RIMS1: variants seen among roughly 807,000 people sequenced by gnomAD.
RIMS1 encodes regulating synaptic membrane exocytosis 1, also known as regulating synaptic membrane exocytosis protein 1.
Under a neutral mutation model 214.1 loss-of-function variants are expected in RIMS1, and 83 were observed. The observed-to-expected ratio is 0.39, with a 90% CI of 0.32 to 0.47. The LOEUF is 0.47. Among genes scored for constraint, RIMS1 ranks in the 20% least tolerant of loss-of-function variants. The pLI is 0.99. For missense variants in RIMS1, 2,050 were observed against 2,161.8 expected (o/e 0.95, Z 1.03); for synonymous variants, 793 against 786.8 (o/e 1.01, Z -0.13).
At chr6:71,922,272 G>C (rs968568866) in intron 1 of RIMS1, among the ~76,000 whole-genome samples, 1 of 151,966 alleles carries the variant, frequency 6.6e-6, no homozygotes, top group Admixed American at 6.6e-5. Context: ...ACTATATCTT[G>C]GTCCTCAAGA....
chr6:72,036,845 A>G (rs1236365408), intron 2 of RIMS1, among the ~76,000 whole-genome samples: 1 of 152,196 alleles, frequency 6.6e-6, no homozygotes, highest in Non-Finnish European at 1.5e-5. Context: ...CTCAAGCTAG[A>G]AATGAAAGGG....
At chr6:72,136,664 A>G (rs1411714715) in intron 4 of RIMS1, among the ~76,000 whole-genome samples, 2 of 152,146 alleles carry the variant, frequency 1.3e-5, no homozygotes, top group Non-Finnish European at 2.9e-5. Flanking sequence ...TTTAGTGCAA[A>G]AAATGATCAA....
chr6:71,966,938 T>C (rs764401673), intron 1 of RIMS1, among the ~76,000 whole-genome samples: 5 of 152,232 alleles, frequency 3.3e-5, no homozygotes, highest in Non-Finnish European at 5.9e-5. Flanking sequence ...TAAAAACTCT[T>C]AAGTAGTAGA....
chr6:72,325,976 A>G (rs1017114816), intron 28 of RIMS1, among the ~76,000 whole-genome samples: 1 of 151,840 alleles, frequency 6.6e-6, no homozygotes, highest in Non-Finnish European at 1.5e-5. Flanking sequence ...AATATTGATC[A>G]ACAATATTGA....
chr6:71,923,309 T>C (rs1328851267), intron 1 of RIMS1, among the ~76,000 whole-genome samples: 7 of 152,234 alleles, frequency 4.6e-5, no homozygotes, highest in Admixed American at 1.3e-4. Flanking sequence ...GCAGTGCTCT[T>C]TGTTTGATTG....
At chr6:72,141,359 A>G (rs75961561) in intron 4 of RIMS1, among the ~76,000 whole-genome samples, 1 of 152,124 alleles carries the variant, frequency 6.6e-6, no homozygotes, top group Admixed American at 6.5e-5. Flanking sequence ...TTAAATTTCC[A>G]AATTCCCTCC....
At position 72,249,293 on chromosome 6, in the gene RIMS1, G is replaced by A. The variant is rs572807610; in HGVS notation, c.2242-1037G>A. On this transcript the variant is annotated intron_variant, in intron 12 of 33. Transcript: ENST00000521978. The stretch of plus-strand genomic sequence containing the variant: ...CTGCCAGGGCAGATACTGTAATAAT[G>A]ACTGATAAAATTCCAATTCTTGTGA... Among the ~76,000 whole-genome samples the A allele has an allele frequency of 5.0e-4, 76 of 152,244 alleles. 1 individual carries two copies. The highest frequency in any genetic ancestry group is 3.4e-3 in the Middle Eastern group (1 of 292).
At chr6:72,164,368 G>C (rs1345411525) in intron 4 of RIMS1, among the ~76,000 whole-genome samples, 2 of 151,974 alleles carry the variant, frequency 1.3e-5, no homozygotes, top group Non-Finnish European at 2.9e-5. Flanking sequence ...CCCTGATTTG[G>C]CTCACACTCG....
chr6:72,322,426 A>G (rs568538780), intron 28 of RIMS1, among the ~76,000 whole-genome samples: 4 of 152,244 alleles, frequency 2.6e-5, no homozygotes, highest in East Asian at 1.9e-4. Context: ...ATGAAATCCT[A>G]TGAACATTTT....
intron 23 of RIMS1, among the ~76,000 whole-genome samples, chr6:72,283,683 A>G (rs1261021786): frequency 6.6e-6 from 1 of 152,142 alleles, no homozygotes; most frequent in African/African-American, 2.4e-5. Flanking sequence ...AACTATTACC[A>G]TCATCACATT....
chr6:71,922,347 A>G (rs1780253492), intron 1 of RIMS1, among the ~76,000 whole-genome samples: 1 of 152,082 alleles, frequency 6.6e-6, no homozygotes, highest in South Asian at 2.1e-4. Flanking sequence ...TGGTAACTCT[A>G]TTATACTTTC....
chr6:72,089,809 C>T (rs1835686852), intron 2 of RIMS1, among the ~76,000 whole-genome samples: 1 of 143,996 alleles, frequency 6.9e-6, no homozygotes, highest in Non-Finnish European at 1.5e-5. Context: ...GAAAATGTGG[C>T]ACATATACAC....
At chr6:72,046,611 T>C (rs1823135576) in intron 2 of RIMS1, among the ~76,000 whole-genome samples, 1 of 152,016 alleles carries the variant, frequency 6.6e-6, no homozygotes, top group Admixed American at 6.6e-5. Context: ...CAGGGCAAGG[T>C]TGTTTGCTAT....
intron 28 of RIMS1, among the ~76,000 whole-genome samples, chr6:72,318,095 A>G (rs1198401203): frequency 6.6e-6 from 1 of 152,128 alleles, no homozygotes; most frequent in African/African-American, 2.4e-5. Flanking sequence ...TTTTGTGTCA[A>G]CTTTTCTATG....
intron 29 of RIMS1, among the ~76,000 whole-genome samples, chr6:72,347,606 A>G (rs922260828): frequency 6.6e-6 from 1 of 151,854 alleles, no homozygotes; most frequent in Non-Finnish European, 1.5e-5. Context: ...GACATGAGCA[A>G]ATGATTCTTA....
chr6:72,308,368 A>G lies in RIMS1; in HGVS notation c.3963+998A>G, dbSNP rs114176429. 5.1e-3 allele frequency among the ~76,000 whole-genome samples: 782 copies of G among 152,236 alleles called. 5 individuals carry two copies. The highest frequency in any genetic ancestry group is 0.017 in the African/African-American group (718 of 41,554). On this transcript the variant is annotated intron_variant, in intron 27 of 33. Coordinates refer to ENST00000521978, the MANE Select transcript of RIMS1 (RefSeq NM_014989.7). ...AAGCTTTTTTTCTTTATAGAATACTACAAAAGTAGCAGCAGCCATTATAGG... is the reference window on the plus strand; with the variant it reads ...AAGCTTTTTTTCTTTATAGAATACTGCAAAAGTAGCAGCAGCCATTATAGG...
chr6:72,143,173 T>G lies in RIMS1; in HGVS notation c.472-36402T>G, dbSNP rs908161577. On this transcript the variant is annotated intron_variant, in intron 4 of 33. Transcript: ENST00000521978. ...AACATATAGGCTAGTGATAAAATTCTCTTAAATGTGATATTTATCTCAAGA... is the reference window on the plus strand; with the variant it reads ...AACATATAGGCTAGTGATAAAATTCGCTTAAATGTGATATTTATCTCAAGA... 4.6e-5 allele frequency among the ~76,000 whole-genome samples: 7 copies of G among 152,352 alleles called. 1 individual carries two copies. The South Asian group carries it at 1.0e-3, about 23-fold the overall frequency.
intron 29 of RIMS1, among the ~76,000 whole-genome samples, chr6:72,335,852 G>C (rs184549444): frequency 2.6e-5 from 4 of 151,692 alleles, no homozygotes; most frequent in Non-Finnish European, 5.9e-5. Flanking sequence ...TCATACGTTT[G>C]TTGGCCACAT....
At chr6:72,097,746 A>G (rs1323758801) in intron 3 of RIMS1, among the ~76,000 whole-genome samples, 1 of 152,112 alleles carries the variant, frequency 6.6e-6, no homozygotes, top group Admixed American at 6.6e-5. Flanking sequence ...TTCTTACCTG[A>G]TGATGTTTCC....
Sources: gnomAD v4.1 joint callset for allele counts (sites outside exome capture counted in the v4.1 genomes callset) on GRCh38, gnomAD v4.1.1 for gene constraint, MANE v1.5 for transcripts, NCBI Gene and HGNC (gene_info 2026-07-23, HGNC 2026-07-21) for gene names.